PPP1R9A: variants seen among roughly 807,000 people sequenced by gnomAD.
The protein encoded by PPP1R9A is neurabin-1.
In PPP1R9A, 59 loss-of-function variants were observed where a neutral mutation model predicts 141.9. That is an observed-to-expected ratio of 0.42 (90% CI 0.34 to 0.52). The LOEUF is 0.52. Ranked by LOEUF, PPP1R9A falls within the 20% of genes least tolerant of loss-of-function variation. The pLI is 0.10. For missense variants in PPP1R9A, 1,444 were observed against 1,611.9 expected (o/e 0.90, Z 1.78); for synonymous variants, 500 against 569.7 (o/e 0.88, Z 1.74).
rs773230852 is a variant in PPP1R9A, at chr7:95,274,114, G to A, written c.3242G>A (p.Gly1081Glu). 9 of 1,582,678 alleles carry A rather than the reference G, an allele frequency of 5.7e-6. No individual in the cohort carries two copies. Among genetic ancestry groups the A allele is most frequent in the African/African-American group, 2.7e-5 (2 of 74,602 alleles). Reference protein sequence around the residue: ...GAPLRRNSSKGKKWKEKEKEA... With the variant: ...GAPLRRNSSKEKKWKEKEKEA... The stretch of plus-strand genomic sequence containing the variant: ...CCTTTGCGAAGGAATTCCAGCAAGG[G>A]AAAGAAGTGGAAAGAAAAAGAAAAA... Residue 1081 changes from glycine (G) to glutamate (E), a missense_variant, in exon 16 of 20, where the codon GGA becomes GAA. Transcript: ENST00000433360.
At chr7:95,078,437 A>G (rs1325008609) in intron 2 of PPP1R9A, among the ~76,000 whole-genome samples, 1 of 151,638 alleles carries the variant, frequency 6.6e-6, no homozygotes, top group East Asian at 1.9e-4. Flanking sequence ...GCCGCAATAA[A>G]CATACGTGTG....
chr7:95,035,330 A>G (rs1808288723), intron 2 of PPP1R9A, among the ~76,000 whole-genome samples: 1 of 152,220 alleles, frequency 6.6e-6, no homozygotes, highest in Non-Finnish European at 1.5e-5. Flanking sequence ...ATTTGTTAAA[A>G]TAGAAAAATG....
intron 2 of PPP1R9A, among the ~76,000 whole-genome samples, chr7:94,951,807 T>C (rs1047236162): frequency 4.6e-5 from 7 of 151,894 alleles, no homozygotes; most frequent in Admixed American, 1.3e-4. Flanking sequence ...GTTCTTTGAG[T>C]GCTTCATTCA....
intron 7 of PPP1R9A, among the ~76,000 whole-genome samples, chr7:95,223,578 C>T (rs1174301165): frequency 6.6e-6 from 1 of 151,992 alleles, no homozygotes; most frequent in East Asian, 1.9e-4. Flanking sequence ...CCATCCTAGG[C>T]ACATATTTAT....
Position 94,954,714 on chromosome 7 carries a change from T to C in PPP1R9A, c.1395+43206T>C, listed in dbSNP as rs1796880288. Among the ~76,000 whole-genome samples the C allele has an allele frequency of 2.0e-5, 3 of 151,626 alleles. No individual in the cohort carries two copies. The South Asian group carries it at 6.2e-4, about 31-fold the overall frequency. ...TTTCTGTTGGTTTTTTTTTTCCTCT[T>C]TTTTGGTGATTTTTTTGAGTTTTTC... On this transcript the variant is annotated intron_variant, in intron 2 of 19. Transcript: ENST00000433360.
At chr7:95,154,224 A>G (rs532573628) in intron 4 of PPP1R9A, among the ~76,000 whole-genome samples, 56 of 151,138 alleles carry the variant, frequency 3.7e-4, no homozygotes, top group Non-Finnish European at 6.5e-4. Context: ...TTCCATTTTC[A>G]TTTGTTTCAA....
At chr7:95,286,663 A>G (rs854539) in intron 18 of PPP1R9A, among the ~76,000 whole-genome samples, 39,520 of 151,990 alleles carry the variant, frequency 0.26, 6,453 homozygotes, top group Middle Eastern at 0.49. Context: ...TCCCCTGACA[A>G]CCACACTCAC....
rs1793432598 is a variant in PPP1R9A at position 94,925,984 on chromosome 7, C to G, written c.1395+14476C>G. Among the ~76,000 whole-genome samples, 4 of 152,026 alleles carry G rather than the reference C, an allele frequency of 2.6e-5. No individual in the cohort carries two copies. The East Asian group carries it at 7.8e-4, about 30-fold the overall frequency. ...GGGATTACAGGCGTGCGCTGCCATG[C>G]CCAGCTAATTTTTTTTCCATTTTTG... is the stretch of plus-strand genomic sequence containing the variant. On this transcript the variant is annotated intron_variant, in intron 2 of 19. Coordinates refer to ENST00000433360, the MANE Select transcript of PPP1R9A (RefSeq NM_001166160.2).
intron 2 of PPP1R9A, among the ~76,000 whole-genome samples, chr7:95,084,761 A>T (rs73724195): frequency 0.045 from 6,872 of 152,110 alleles, 280 homozygotes; most frequent in African/African-American, 0.084. Flanking sequence ...GTTGTAATCT[A>T]TATAGTTAGT....
intron 2 of PPP1R9A, among the ~76,000 whole-genome samples, chr7:94,941,662 A>C (rs1211181453): frequency 6.6e-6 from 1 of 151,780 alleles, no homozygotes; most frequent in African/African-American, 2.4e-5. Flanking sequence ...AAAGCCACTC[A>C]TATTTGGGGT....
chr7:95,085,981 G>A (rs1175743566), intron 2 of PPP1R9A, among the ~76,000 whole-genome samples: 1 of 151,654 alleles, frequency 6.6e-6, no homozygotes, highest in Non-Finnish European at 1.5e-5. Flanking sequence ...TGTATGACGT[G>A]AGGTAGGGAT....
intron 12 of PPP1R9A, among the ~76,000 whole-genome samples, chr7:95,260,644 A>G (rs924817596): frequency 6.7e-6 from 1 of 148,914 alleles, no homozygotes; most frequent in African/African-American, 2.5e-5. Context: ...GTGCCCCTAC[A>G]CTCCAGCCTG....
chr7:95,286,436 C>A (rs1306611541), intron 18 of PPP1R9A, 111 bp downstream of exon 18: 1 of 1,464,132 alleles, frequency 6.8e-7, no homozygotes. Flanking sequence ...ATCATCAGGA[C>A]TGTGGTTTAT....
chr7:94,950,735 G>A (rs533511162), intron 2 of PPP1R9A, among the ~76,000 whole-genome samples: 1 of 152,060 alleles, frequency 6.6e-6, no homozygotes, highest in South Asian at 2.1e-4. Context: ...TGAATTAAAA[G>A]GCAATTAATT....
intron 2 of PPP1R9A, among the ~76,000 whole-genome samples, chr7:95,082,851 G>C (rs1816092869): frequency 6.8e-6 from 1 of 147,634 alleles, no homozygotes; most frequent in Non-Finnish European, 1.5e-5. Flanking sequence ...CACCTCCTGG[G>C]TTCACGCCAT....
At chr7:95,093,450 T>C (rs1286362698) in intron 2 of PPP1R9A, among the ~76,000 whole-genome samples, 1 of 152,202 alleles carries the variant, frequency 6.6e-6, no homozygotes, top group African/African-American at 2.4e-5. Flanking sequence ...TACAATTTCA[T>C]CCACAACAGT....
chr7:95,150,925 T>C (rs540366166), intron 4 of PPP1R9A, among the ~76,000 whole-genome samples: 1 of 152,368 alleles, frequency 6.6e-6, no homozygotes, highest in East Asian at 1.9e-4. Flanking sequence ...TTTAATATCA[T>C]GTTATGAGAG....
intron 2 of PPP1R9A, among the ~76,000 whole-genome samples, chr7:95,029,579 A>C (rs1018469143): frequency 7.2e-5 from 11 of 152,196 alleles, no homozygotes; most frequent in African/African-American, 2.7e-4. Flanking sequence ...GTAATTACAG[A>C]AGACAACTTG....
At chr7:95,207,144 G>A (rs1253837369) in intron 7 of PPP1R9A, among the ~76,000 whole-genome samples, 1 of 151,562 alleles carries the variant, frequency 6.6e-6, no homozygotes, top group Admixed American at 6.6e-5. Flanking sequence ...ATGAGTTGAC[G>A]GTTTCAAGGT....
Sources: allele counts gnomAD v4.1 joint callset (sites outside exome capture counted in the v4.1 genomes callset), GRCh38; gene constraint gnomAD v4.1.1; transcripts MANE v1.5; gene names NCBI Gene and HGNC (gene_info 2026-07-23, HGNC 2026-07-21).